GTF2F2: variants seen among roughly 807,000 people sequenced by gnomAD.
GTF2F2 encodes ATP-dependent helicase GTF2F2.
GTF2F2 carries 23 observed loss-of-function variants against 42.2 expected under a neutral mutation model. The observed-to-expected ratio is 0.55, with a 90% confidence interval of 0.39 to 0.77. The LOEUF is 0.77. GTF2F2 is among the 30% of genes least tolerant of loss of function. The pLI is 0.00. For missense variants in GTF2F2, 261 were observed against 287.2 expected (o/e 0.91, Z 0.66); for synonymous variants, 105 against 100.8 (o/e 1.04, Z -0.25).
chr13:45,250,318 T>C (rs1427740680), intron 5 of GTF2F2, among the ~76,000 whole-genome samples: 1 of 152,026 alleles, frequency 6.6e-6, no homozygotes, highest in Non-Finnish European at 1.5e-5. Flanking sequence ...ACCTCCCAAA[T>C]TACAGGTGTG....
rs559723504 is a variant in GTF2F2 at position 45,174,641 on chromosome 13, T to C, written c.304+22810T>C. Among the ~76,000 whole-genome samples the C allele has an allele frequency of 4.7e-4, 70 of 149,132 alleles. No homozygotes were observed. The South Asian group carries it at 8.4e-3, about 18-fold the overall frequency. On this transcript the variant is annotated intron_variant, in intron 4 of 7. Coordinates refer to ENST00000340473, the MANE Select transcript of GTF2F2 (RefSeq NM_004128.3). ...AGCACTGTTTTCTTTTTTCTTTTTT[T>C]TTTTTTTTTTTTTTAGAAATAATAG...
chr13:45,127,681 G>C (rs1383925587), intron 1 of GTF2F2, among the ~76,000 whole-genome samples: 1 of 151,874 alleles, frequency 6.6e-6, no homozygotes, highest in African/African-American at 2.4e-5. Flanking sequence ...GCCCAGGCTG[G>C]GCGTGCAGTA....
At chr13:45,155,926 C>T (rs923794785) in intron 4 of GTF2F2, among the ~76,000 whole-genome samples, 30 of 151,952 alleles carry the variant, frequency 2.0e-4, no homozygotes, top group African/African-American at 7.3e-4. Context: ...ATTTTTCCTG[C>T]CTTTGGCATC....
chr13:45,219,845 G>A (rs185356342), intron 5 of GTF2F2, among the ~76,000 whole-genome samples: 1 of 152,202 alleles, frequency 6.6e-6, no homozygotes, highest in African/African-American at 2.4e-5. Context: ...CTTTTAATGT[G>A]TTATATATTT....
chr13:45,135,775 A>G (rs996073508), intron 1 of GTF2F2, among the ~76,000 whole-genome samples: 4 of 152,192 alleles, frequency 2.6e-5, no homozygotes, highest in African/African-American at 9.6e-5. Flanking sequence ...CAAATTTGTC[A>G]TGAAAAAATA....
At chr13:45,144,148 A>T (rs1459885169) in intron 2 of GTF2F2, among the ~76,000 whole-genome samples, 1 of 152,008 alleles carries the variant, frequency 6.6e-6, no homozygotes, top group Non-Finnish European at 1.5e-5. Flanking sequence ...GCTCCTCGGG[A>T]GGCTGAGGCA....
intron 5 of GTF2F2, among the ~76,000 whole-genome samples, chr13:45,239,600 T>A (rs1317600692): frequency 6.6e-6 from 1 of 152,254 alleles, no homozygotes; most frequent in Non-Finnish European, 1.5e-5. Flanking sequence ...AACAGAAATC[T>A]TGGAGAAAAC....
chr13:45,245,673 A>G (rs1255723525), intron 5 of GTF2F2, among the ~76,000 whole-genome samples: 1 of 81,326 alleles, frequency 1.2e-5, no homozygotes, highest in South Asian at 3.6e-4. Context: ...GTGAATATAT[A>G]TATATATATA....
At chr13:45,194,287 C>T (rs768878129) in intron 4 of GTF2F2, 6 of 1,614,110 alleles carry the variant, frequency 3.7e-6, no homozygotes, top group Non-Finnish European at 4.2e-6. Context: ...TTCTCCATTT[C>T]GTAGGAAGTT....
chr13:45,120,555 C>T lies in GTF2F2; in HGVS notation c.-101C>T, dbSNP rs1593438169. The T allele has an allele frequency of 3.7e-6, 3 of 804,698 alleles. No individual in the cohort carries two copies. Among genetic ancestry groups the T allele is most frequent in the East Asian group, 2.7e-5 (1 of 36,954 alleles). 49.8% of individuals were successfully genotyped at this position (804,698 alleles called of 1,614,324 possible). A position where few individuals can be genotyped will look rare whatever the true frequency, so the allele number is the denominator to read the frequency against. ...CAGGTAAGGAACGCCGGCTCTTCGC[C>T]TCTCAGCGCGGCTTGTCCTTTGTTC... On this transcript the variant is annotated 5_prime_UTR_variant, in exon 1 of 8. Coordinates refer to ENST00000340473, the MANE Select transcript of GTF2F2 (RefSeq NM_004128.3).
chr13:45,191,839 C>G (rs1441722430), intron 4 of GTF2F2, among the ~76,000 whole-genome samples: 1 of 152,070 alleles, frequency 6.6e-6, no homozygotes, highest in Non-Finnish European at 1.5e-5. Context: ...TTAATGGTTT[C>G]TATCAATAAT....
At chr13:45,260,796 G>C (rs1876307082) in intron 6 of GTF2F2, among the ~76,000 whole-genome samples, 1 of 152,014 alleles carries the variant, frequency 6.6e-6, no homozygotes, top group Non-Finnish European at 1.5e-5. Context: ...GAGGCGGGTG[G>C]ATCACTTGAG....
chr13:45,184,600 G>A (rs138368347), intron 4 of GTF2F2, among the ~76,000 whole-genome samples: 22 of 151,908 alleles, frequency 1.4e-4, no homozygotes, highest in African/African-American at 5.3e-4. Flanking sequence ...CTTTTCCACT[G>A]CCTTGAGCCA....
chr13:45,195,146 A>G (rs1021002435), intron 4 of GTF2F2, among the ~76,000 whole-genome samples: 2 of 152,230 alleles, frequency 1.3e-5, no homozygotes, highest in African/African-American at 4.8e-5. Context: ...TGAGACACAA[A>G]TAAGAATACT....
chr13:45,177,272 C>G (rs976347642), intron 4 of GTF2F2, among the ~76,000 whole-genome samples: 10 of 152,106 alleles, frequency 6.6e-5, no homozygotes, highest in African/African-American at 2.4e-4. Flanking sequence ...ACTCTCTTCT[C>G]CAGTGGTTGA....
chr13:45,196,405 G>A (rs1006482220), intron 4 of GTF2F2, among the ~76,000 whole-genome samples: 1 of 152,110 alleles, frequency 6.6e-6, no homozygotes, highest in South Asian at 2.1e-4. Context: ...TGTTTGTCTT[G>A]ATTTTGCTTT....
At chr13:45,279,088 G>A (rs1439429031) in intron 7 of GTF2F2, among the ~76,000 whole-genome samples, 1 of 152,076 alleles carries the variant, frequency 6.6e-6, no homozygotes, top group Non-Finnish European at 1.5e-5. Context: ...CTCCCAAAGT[G>A]CTGGGATTAC....
At chr13:45,203,856 A>G (rs1200350286) in intron 4 of GTF2F2, among the ~76,000 whole-genome samples, 2 of 152,284 alleles carry the variant, frequency 1.3e-5, no homozygotes, top group South Asian at 2.1e-4. Flanking sequence ...CTTCTGGTGT[A>G]TTAAGATGAT....
intron 5 of GTF2F2, among the ~76,000 whole-genome samples, chr13:45,225,567 G>A (rs1363624843): frequency 2.1e-5 from 3 of 144,056 alleles, no homozygotes; most frequent in Admixed American, 7.2e-5. Flanking sequence ...CCCAGATAGC[G>A]CCATTGCACT....
Sources: gnomAD v4.1 joint callset for allele counts (sites outside exome capture counted in the v4.1 genomes callset) on GRCh38, gnomAD v4.1.1 for gene constraint, MANE v1.5 for transcripts, NCBI Gene and HGNC (gene_info 2026-07-23, HGNC 2026-07-21) for gene names.